Variants in BCL2L13 observed in about 807,000 individuals in gnomAD.
BCL2L13 encodes bcl-2-like protein 13.
A neutral mutation model predicts 25.8 loss-of-function variants in BCL2L13; 13 were observed. The observed-to-expected ratio is 0.50, with a 90% CI of 0.33 to 0.80. The LOEUF is 0.80. BCL2L13 is among the 30% of genes least tolerant of loss of function. BCL2L13 has a pLI of 0.02. For synonymous variants in BCL2L13, 244 were observed against 230.3 expected (o/e 1.06, Z -0.54); for missense variants, 504 against 574.9 (o/e 0.88, Z 1.26).
At position 17,653,127 on chromosome 22, in the gene BCL2L13, A is replaced by G. The variant is rs370815810; in HGVS notation, c.-50-2535A>G. ...TTGAAGTTCAGTTTCTACTGAATGC[A>G]TATTCTGTTTGCACTGCCATCATAA... On this transcript the variant is annotated intron_variant, in intron 1 of 6. Coordinates refer to ENST00000317582, the MANE Select transcript of BCL2L13 (RefSeq NM_015367.4). 2.6e-5 allele frequency among the ~76,000 whole-genome samples: 4 copies of G among 152,224 alleles called. No individual in the cohort carries two copies. The East Asian group carries it at 5.8e-4, about 22-fold the overall frequency.
rs2060886992 is a variant in BCL2L13 at position 17,715,143 on chromosome 22, TATATATATATATATA to T, written c.601-11533_601-11519del. 1.9e-4 allele frequency among the ~76,000 whole-genome samples: 2 copies of T among 10,358 alleles called. 1 individual carries two copies. The highest frequency in any genetic ancestry group is 3.0e-3 in the Admixed American group (2 of 660). The allele number at this position is 10,358 out of a possible 152,430, so 6.8% of individuals were successfully genotyped here. A position where few individuals can be genotyped will look rare whatever the true frequency, so the allele number is the denominator to read the frequency against. The stretch of plus-strand genomic sequence containing the variant: ...AATTTTATATATATATATATATATA[TATATATATATATATA>T]TATATATATATATTTTTTTTTTTTT... On this transcript the variant is annotated intron_variant, in intron 6 of 6. Transcript: ENST00000317582.
In BCL2L13 at chr22:17,645,044, C is replaced by T. The variant is rs1027458899; in HGVS notation, c.-51+6158C>T. ...CAGGATGGTCTCGATCTCCTAACCTCGTGATCCACCCACCTCGGCTTCCCA... is the reference window on the plus strand; with the variant it reads ...CAGGATGGTCTCGATCTCCTAACCTTGTGATCCACCCACCTCGGCTTCCCA... On this transcript the variant is annotated intron_variant, in intron 1 of 6. Coordinates refer to ENST00000317582, the MANE Select transcript of BCL2L13 (RefSeq NM_015367.4). Among the ~76,000 whole-genome samples the T allele has an allele frequency of 3.3e-5, 5 of 150,440 alleles. No homozygotes were observed. The East Asian group carries it at 7.9e-4, about 24-fold the overall frequency.
upstream of BCL2L13, among the ~76,000 whole-genome samples, chr22:17,635,323 G>A (rs1252241013): frequency 6.6e-6 from 1 of 152,040 alleles, no homozygotes; most frequent in East Asian, 1.9e-4. Flanking sequence ...GGATCACAAG[G>A]TCAGGAGTTT....
At position 17,714,969 on chromosome 22, in the gene BCL2L13, C is replaced by T. The variant is rs895703398; in HGVS notation, c.601-11708C>T. 6.0e-5 allele frequency among the ~76,000 whole-genome samples: 9 copies of T among 151,136 alleles called. No homozygotes were observed. In the South Asian group the frequency reaches 6.3e-4, roughly 11 times the overall value. On this transcript the variant is annotated intron_variant, in intron 6 of 6. Coordinates refer to ENST00000317582, the MANE Select transcript of BCL2L13 (RefSeq NM_015367.4). ...CAGCCTGGGCAACATAGCAAGACCT[C>T]GTCTCTACTAAAAATCATAAGGAAA... is the stretch of plus-strand genomic sequence containing the variant.
At chr22:17,719,359 CTAAATTTTTTGGAGAATAATTTGACG>C (rs2061037424) in intron 6 of BCL2L13, among the ~76,000 whole-genome samples, 1 of 151,870 alleles carries the variant, frequency 6.6e-6, no homozygotes, top group South Asian at 2.1e-4. Context: ...AAATATTTTT[CTAAATTTTTTGGAGAATAATTTGACG>C]TAAAATTACC....
upstream of BCL2L13, among the ~76,000 whole-genome samples, chr22:17,636,669 G>C (rs1040062905): frequency 6.6e-6 from 1 of 151,868 alleles, no homozygotes; most frequent in Non-Finnish European, 1.5e-5. Flanking sequence ...GGTGGTGGGT[G>C]CCTGTAATCC....
At chr22:17,660,864 A>T (rs1256642359) in intron 2 of BCL2L13, among the ~76,000 whole-genome samples, 1 of 146,014 alleles carries the variant, frequency 6.8e-6, no homozygotes, top group African/African-American at 2.4e-5. Context: ...GGCTCATTGC[A>T]ACCTCCACCT....
intron 4 of BCL2L13, among the ~76,000 whole-genome samples, chr22:17,690,786 G>T (rs1258789031): frequency 6.6e-6 from 1 of 152,094 alleles, no homozygotes; most frequent in African/African-American, 2.4e-5. Context: ...AATTAAAAAA[G>T]TCGTATTTGG....
chr22:17,629,020 GT>G, intron 1 of BCL2L13: 1 of 235,016 alleles, frequency 4.3e-6, no homozygotes, highest in Non-Finnish European at 8.8e-6. Context: ...ATTGGAGAAT[GT>G]GCCTTTATTG....
chr22:17,724,267 CA>C (rs1279082197), intron 6 of BCL2L13, among the ~76,000 whole-genome samples: 1 of 152,128 alleles, frequency 6.6e-6, no homozygotes, highest in African/African-American at 2.4e-5. Flanking sequence ...AGCGAGACCC[CA>C]ACTCTAAAAA....
At chr22:17,640,151 G>A (rs1159101232) in intron 1 of BCL2L13, among the ~76,000 whole-genome samples, 1 of 151,652 alleles carries the variant, frequency 6.6e-6, no homozygotes, top group Non-Finnish European at 1.5e-5. Context: ...ACCGCGCACG[G>A]TGATACCTTT....
chr22:17,656,292 A>T (rs1437806371), intron 2 of BCL2L13, among the ~76,000 whole-genome samples: 1 of 136,926 alleles, frequency 7.3e-6, no homozygotes, highest in African/African-American at 2.8e-5. Flanking sequence ...CATTCTTTCC[A>T]TTTCCAGAAG....
chr22:17,706,939 T>C (rs1216546546), intron 6 of BCL2L13: 2 of 738,366 alleles, frequency 2.7e-6, no homozygotes, highest in Non-Finnish European at 4.0e-6. Flanking sequence ...TCTATTGTAA[T>C]ATTTAAGTAT....
intron 6 of BCL2L13, among the ~76,000 whole-genome samples, chr22:17,719,744 G>T (rs375027629): frequency 5.3e-5 from 8 of 150,488 alleles, no homozygotes; most frequent in African/African-American, 2.0e-4. Flanking sequence ...CAGGATAATC[G>T]CTGGAATCCG....
Position 17,666,988 on chromosome 22 carries a change from A to G in BCL2L13, c.121+11156A>G, listed in dbSNP as rs148433160. Reference sequence around the variant, plus strand: ...GTGATCTCATTGTTTTTATGCCTGAATAGTACTCCGTTGTCTATATGTACC... The same window carrying G: ...GTGATCTCATTGTTTTTATGCCTGAGTAGTACTCCGTTGTCTATATGTACC... On this transcript the variant is annotated intron_variant, in intron 2 of 6. Transcript: ENST00000317582. Among the ~76,000 whole-genome samples, 589 of 152,058 alleles carry G rather than the reference A, an allele frequency of 3.9e-3. 10 individuals are homozygous for G. Among genetic ancestry groups the G allele is most frequent in the African/African-American group, 0.014 (561 of 41,496 alleles).
intron 3 of BCL2L13, 135 bp downstream of exon 3, chr22:17,683,456 T>G (rs962045412): frequency 1.7e-6 from 1 of 572,848 alleles, no homozygotes; most frequent in African/African-American, 2.0e-5. Flanking sequence ...GGTAGAAGTT[T>G]ATAAGGGTAA....
At chr22:17,661,167 A>T (rs1601558716) in intron 2 of BCL2L13, among the ~76,000 whole-genome samples, 1 of 145,068 alleles carries the variant, frequency 6.9e-6, no homozygotes, top group South Asian at 2.1e-4. Flanking sequence ...TTCTCAGCTC[A>T]CTGCAACCTC....
At chr22:17,661,048 G>T (rs1483175310) in intron 2 of BCL2L13, among the ~76,000 whole-genome samples, 1 of 145,892 alleles carries the variant, frequency 6.9e-6, no homozygotes, top group East Asian at 1.9e-4. Context: ...CAAGTGCTAA[G>T]ATTACAGGCA....
At position 17,642,465 on chromosome 22, in the gene BCL2L13, G is replaced by A. The variant is rs528649997; in HGVS notation, c.-51+3579G>A. The stretch of plus-strand genomic sequence containing the variant: ...TGAGCCACCACGCCCGGCCTGTCTG[G>A]CTTCTTTCACTTAGCATAATGTTTT... On this transcript the variant is annotated intron_variant, in intron 1 of 6. Coordinates refer to ENST00000317582, the MANE Select transcript of BCL2L13 (RefSeq NM_015367.4). 4.6e-5 allele frequency among the ~76,000 whole-genome samples: 7 copies of A among 152,194 alleles called. No individual in the cohort carries two copies. The South Asian group carries it at 1.2e-3, about 27-fold the overall frequency.
Sources: gnomAD v4.1 joint callset for allele counts (sites outside exome capture counted in the v4.1 genomes callset) on GRCh38, gnomAD v4.1.1 for gene constraint, MANE v1.5 for transcripts, NCBI Gene and HGNC (gene_info 2026-07-23, HGNC 2026-07-21) for gene names.